Variants in ZCCHC14 observed in about 807,000 individuals in gnomAD.
The protein encoded by ZCCHC14 is zinc finger CCHC domain-containing protein 14.
In ZCCHC14, 16 loss-of-function variants were observed where a neutral mutation model predicts 85.0. That is an observed-to-expected ratio of 0.19 (90% confidence interval 0.13 to 0.29). ZCCHC14 has a LOEUF of 0.29. ZCCHC14 is among the 10% of genes least tolerant of loss of function. The pLI, the probability that ZCCHC14 is intolerant of heterozygous loss-of-function variation, is 1.00. For missense variants in ZCCHC14, 1,303 were observed against 1,443.5 expected, an observed-to-expected ratio of 0.90 and a Z score of 1.58; for synonymous variants, 775 against 630.7, an observed-to-expected ratio of 1.23 and a Z score of -3.43.
chr16:87,477,960 G>A (rs1181201543), intron 1 of ZCCHC14, among the ~76,000 whole-genome samples: 1 of 150,544 alleles, frequency 6.6e-6, no homozygotes, highest in East Asian at 2.0e-4. Flanking sequence ...TCCACACATC[G>A]CTCCCGAGTC....
chr16:87,422,385 G>C (rs1200528462), intron 4 of ZCCHC14, among the ~76,000 whole-genome samples: 1 of 152,140 alleles, frequency 6.6e-6, no homozygotes. Flanking sequence ...CCAGGAGAGG[G>C]GAGGATGCGG....
intron 1 of ZCCHC14, among the ~76,000 whole-genome samples, chr16:87,474,675 G>A: frequency 6.6e-6 from 1 of 152,188 alleles, no homozygotes; most frequent in Non-Finnish European, 1.5e-5. Flanking sequence ...AAGGGGGGCA[G>A]CTAAAGCTCA....
chr16:87,480,160 T>C (rs935175622), intron 1 of ZCCHC14, among the ~76,000 whole-genome samples: 2 of 151,896 alleles, frequency 1.3e-5, no homozygotes, highest in African/African-American at 4.8e-5. Context: ...TCCCAGCGCT[T>C]TGGGAGGCTG....
In ZCCHC14 at chr16:87,417,595, G is replaced by A; in HGVS notation, c.1248C>T (p.Asp416=). 1 of 1,614,266 alleles carries A rather than the reference G, an allele frequency of 6.2e-7. No homozygotes were observed. The highest frequency in any genetic ancestry group is 8.5e-7 in the Non-Finnish European group (1 of 1,180,042). ...AAGGCATGAGGATGGCAGGTGATGT[G>A]TCCATCTGGGTCCGGTAGGCCAGGG... ...GSALAYRTQM[D]TSPAILMPSS... Residue 416 remains aspartate (D), a synonymous_variant, in exon 8 of 13, where the codon GAC becomes GAT. Coordinates refer to ENST00000671377, the MANE Select transcript of ZCCHC14 (RefSeq NM_015144.3).
chr16:87,452,126 G>A (rs1910736740), intron 2 of ZCCHC14, among the ~76,000 whole-genome samples: 1 of 152,246 alleles, frequency 6.6e-6, no homozygotes, highest in African/African-American at 2.4e-5. Context: ...GCCAGAGACA[G>A]AGGGACCCAC....
chr16:87,424,385 A>G (rs1909260208), intron 3 of ZCCHC14, among the ~76,000 whole-genome samples: 1 of 152,210 alleles, frequency 6.6e-6, no homozygotes, highest in Non-Finnish European at 1.5e-5. Flanking sequence ...GTGTGAGTCC[A>G]TTGATAGCAA....
chr16:87,430,878 G>A lies in ZCCHC14; in HGVS notation c.768+2250C>T, dbSNP rs149051033. Among the ~76,000 whole-genome samples the A allele has an allele frequency of 7.5e-3, 1,140 of 152,256 alleles. 15 individuals carry two copies. The highest frequency in any genetic ancestry group is 0.026 in the African/African-American group (1,079 of 41,554). ...GAAAAATCTGGCCAGGTGCACTCAT[G>A]CCTGTAATCCCAGCACTTTGGGAGG... is the stretch of plus-strand genomic sequence containing the variant. On this transcript the variant is annotated intron_variant, in intron 3 of 12. Coordinates refer to ENST00000671377, the MANE Select transcript of ZCCHC14 (RefSeq NM_015144.3).
rs1597190627 is a variant in ZCCHC14, at chr16:87,491,821, A to G, written c.418T>C (p.Ser140Pro). 2 of 1,584,286 alleles carry G rather than the reference A, an allele frequency of 1.3e-6. No homozygotes were observed. The highest frequency in any genetic ancestry group is 1.4e-5 in the African/African-American group (1 of 71,884). Residue 140 changes from serine to proline, a missense_variant, in exon 1 of 13, where the codon TCC becomes CCC. Ser to Pro is a moderately conservative substitution (Grantham distance 74). Around this residue, in one of 7 missense-constraint regions of ZCCHC14, gnomAD observed 389 missense variants for 397.8 expected, o/e 0.98. Coordinates refer to ENST00000671377, the MANE Select transcript of ZCCHC14 (RefSeq NM_015144.3). The surrounding 1 kb of genome is among the most constrained non-coding windows in gnomAD (Gnocchi z 5.9). ...TGGAAGCTGAAGGCCGGGTGGTTGGAGGCCATGGTGAACAGCAGCAGGAAC... is the reference window on the plus strand; with the variant it reads ...TGGAAGCTGAAGGCCGGGTGGTTGGGGGCCATGGTGAACAGCAGCAGGAAC... ...DEFLLLFTMA[S>P]NHPAFSFHQK... is the part of the protein sequence containing the mutation.
At position 87,483,439 on chromosome 16, in the gene ZCCHC14, C is replaced by T. The variant is rs138439069; in HGVS notation, c.570+8230G>A. ...CCGGGAGGCAAAGGTTGCAGTGAAC[C>T]GAGATCACACCAGTGCACTCCAGCC... On this transcript the variant is annotated intron_variant, in intron 1 of 12. Transcript: ENST00000671377. Among the ~76,000 whole-genome samples, 1,091 of 150,662 alleles carry T rather than the reference C, an allele frequency of 7.2e-3. 8 individuals carry two copies. Among genetic ancestry groups the T allele is most frequent in the African/African-American group, 0.025 (1,038 of 40,912 alleles).
At chr16:87,486,013 C>T (rs1480516630) in intron 1 of ZCCHC14, among the ~76,000 whole-genome samples, 1 of 152,200 alleles carries the variant, frequency 6.6e-6, no homozygotes, top group Non-Finnish European at 1.5e-5. Context: ...GTTTCTACAA[C>T]TGTGCTCCAG....
At chr16:87,449,507 T>C (rs983618305) in intron 2 of ZCCHC14, among the ~76,000 whole-genome samples, 3 of 151,980 alleles carry the variant, frequency 2.0e-5, no homozygotes, top group African/African-American at 7.3e-5. Flanking sequence ...CCCCGACCAA[T>C]TCAGCAACGC....
intron 1 of ZCCHC14, among the ~76,000 whole-genome samples, chr16:87,469,088 GTCTGTTTTTTTGGAGACATGGTCTA>G (rs1911663994): frequency 6.6e-6 from 1 of 152,156 alleles, no homozygotes; most frequent in African/African-American, 2.4e-5. Context: ...TAGCATTTTT[GTCTGTTTTTTTGGAGACATGGTCTA>G]TGTTGCCCAG....
At position 87,420,572 on chromosome 16, in the gene ZCCHC14, C is replaced by A; in HGVS notation, c.950+35G>T. ...CACAGGACCAGCCTGTCCTTGCCAGCTGTGGACGCGCCGGGTGCCTGGTAA... is the reference window on the plus strand; with the variant it reads ...CACAGGACCAGCCTGTCCTTGCCAGATGTGGACGCGCCGGGTGCCTGGTAA... On this transcript the variant is annotated intron_variant, in intron 5 of 12. Transcript: ENST00000671377. This position sits in a 1 kb window ranked among gnomAD's most constrained non-coding sequence, Gnocchi z 5.0. 6.4e-7 allele frequency: 1 copy of A among 1,558,746 alleles called. No individual in the cohort carries two copies. The highest frequency in any genetic ancestry group is 8.8e-7 in the Non-Finnish European group (1 of 1,141,912).
intron 2 of ZCCHC14, among the ~76,000 whole-genome samples, chr16:87,458,603 G>A (rs887375132): frequency 6.6e-6 from 1 of 152,206 alleles, no homozygotes; most frequent in African/African-American, 2.4e-5. Flanking sequence ...ATCTAAATCA[G>A]AGACAGGTGG....
chr16:87,490,220 C>G (rs1336162642), intron 1 of ZCCHC14, among the ~76,000 whole-genome samples: 2 of 152,212 alleles, frequency 1.3e-5, no homozygotes, highest in Non-Finnish European at 2.9e-5. Context: ...AAGCCACAAT[C>G]TACGATTGAA....
chr16:87,412,568 C>T lies in ZCCHC14; in HGVS notation c.2153G>A (p.Ser718Asn). The T allele has an allele frequency of 6.2e-7, 1 of 1,614,146 alleles. No individual in the cohort carries two copies. Among genetic ancestry groups the T allele is most frequent in the East Asian group, 2.2e-5 (1 of 44,868 alleles). ...PVQVLSGLSE[S>N]SSMSPTVSFG... ...GGAGACTGTGGGTGACATGGAGCTG[C>T]TCTCCGAAAGCCCAGAGAGGACCTG... Residue 718 changes from serine (S) to asparagine (N), a missense_variant, in exon 12 of 13, where the codon AGC (serine) becomes AAC (asparagine). Coordinates refer to ENST00000671377, the MANE Select transcript of ZCCHC14 (RefSeq NM_015144.3).
At chr16:87,470,132 A>C (rs1597446432) in intron 1 of ZCCHC14, among the ~76,000 whole-genome samples, 1 of 152,146 alleles carries the variant, frequency 6.6e-6, no homozygotes, top group Non-Finnish European at 1.5e-5. Context: ...CAGGAGTTCA[A>C]GACCAGCCTG....
intron 12 of ZCCHC14, chr16:87,411,300 C>A: frequency 7.1e-7 from 1 of 1,408,022 alleles, no homozygotes; most frequent in Non-Finnish European, 9.5e-7. Flanking sequence ...CCTTCTAGAA[C>A]CAGAGGCTGT....
At chr16:87,441,414 CT>C (rs1286309635) in intron 2 of ZCCHC14, among the ~76,000 whole-genome samples, 1 of 152,118 alleles carries the variant, frequency 6.6e-6, no homozygotes, top group Non-Finnish European at 1.5e-5. Context: ...GTACAAAAAT[CT>C]TTTATTAAGT....
Sources: gnomAD v4.1 joint callset for allele counts (sites outside exome capture counted in the v4.1 genomes callset) on GRCh38, gnomAD v4.1.1 for gene constraint, gnomAD v4.1.1 regional missense constraint, Gnocchi (gnomAD v3.1) non-coding constraint, MANE v1.5 for transcripts, NCBI Gene and HGNC (gene_info 2026-07-23, HGNC 2026-07-21) for gene names.